Variants in CT45A1 observed in about 807,000 individuals in gnomAD.
The protein encoded by CT45A1 is cancer/testis antigen family 45 member A1.
upstream of CT45A1, chrX:135,713,334 C>A: frequency 1.2e-5 from 2 of 166,738 alleles, no homozygotes; most frequent in Non-Finnish European, 1.9e-5. Flanking sequence ...TGTTGCTGTG[C>A]AGTTGTTACT....
upstream of CT45A1, among the ~76,000 whole-genome samples, chrX:135,710,580 T>C (rs1556569293): frequency 2.7e-5 from 3 of 112,190 alleles, no homozygotes; most frequent in African/African-American, 6.5e-5. Flanking sequence ...GATTGTTCAC[T>C]CAGCAATGAC....
At chrX:135,714,631 A>G (rs2087963712) in intron 1 of CT45A1, among the ~76,000 whole-genome samples, 1 of 111,114 alleles carries the variant, frequency 9.0e-6, no homozygotes, top group Non-Finnish European at 1.9e-5. Context: ...CTCGCTGTAC[A>G]GTTAGTCTTT....
chrX:135,711,324 G>A (rs2353530), upstream of CT45A1, among the ~76,000 whole-genome samples: 2 of 112,299 alleles, frequency 1.8e-5, no homozygotes, highest in Non-Finnish European at 3.8e-5. Context: ...AATGTGTTCT[G>A]TAAAGGTTCT....
upstream of CT45A1, among the ~76,000 whole-genome samples, chrX:135,713,077 G>A (rs1556570188): frequency 1.2e-5 from 1 of 84,765 alleles, no homozygotes; most frequent in Admixed American, 1.4e-4. Flanking sequence ...TCTCCTCTAT[G>A]GCCAGGCTGG....
chrX:135,715,335 A>ACT (rs2087973111), intron 1 of CT45A1, among the ~76,000 whole-genome samples: 4 of 35,252 alleles, frequency 1.1e-4, no homozygotes, highest in Non-Finnish European at 1.4e-4. Context: ...CTTATATATT[A>ACT]TATATATATA....
At chrX:135,712,236 G>C (rs781942509), upstream of CT45A1, among the ~76,000 whole-genome samples, 1 of 76,417 alleles carries the variant, frequency 1.3e-5, no homozygotes, top group Non-Finnish European at 2.3e-5. Context: ...CAGGCTATGC[G>C]ATCAAAGCTC....
chrX:135,709,331 T>A (rs782513547), upstream of CT45A1, among the ~76,000 whole-genome samples: 12 of 112,819 alleles, frequency 1.1e-4, no homozygotes, highest in African/African-American at 3.9e-4. Flanking sequence ...TTTCACCATG[T>A]TGGCCAGGCT....
At chrX:135,708,644 A>G (rs2087919761), upstream of CT45A1, among the ~76,000 whole-genome samples, 1 of 111,107 alleles carries the variant, frequency 9.0e-6, no homozygotes. Flanking sequence ...TGATAAAACA[A>G]GCATCTATTA....
intron 1 of CT45A1, among the ~76,000 whole-genome samples, chrX:135,715,776 A>G (rs1311837882): frequency 5.6e-5 from 6 of 106,596 alleles, no homozygotes; most frequent in Non-Finnish European, 1.2e-4. Flanking sequence ...ACATAGGTAG[A>G]CACATGCCAT....
At chrX:135,712,744 G>T (rs1295301829), upstream of CT45A1, among the ~76,000 whole-genome samples, 12 of 108,434 alleles carry the variant, frequency 1.1e-4, no homozygotes, top group Non-Finnish European at 1.9e-4. Context: ...TGGCCAGGCT[G>T]GTCCCGAACT....
chrX:135,716,169 G>A (rs1234074968), intron 1 of CT45A1, among the ~76,000 whole-genome samples: 1 of 111,591 alleles, frequency 9.0e-6, no homozygotes, highest in Non-Finnish European at 1.9e-5. Context: ...ATAGAAGAAT[G>A]ATTTATAATC....
intron 1 of CT45A1, among the ~76,000 whole-genome samples, chrX:135,717,604 G>T (rs782457992): frequency 9.0e-6 from 1 of 111,500 alleles, no homozygotes; most frequent in Non-Finnish European, 1.9e-5. Flanking sequence ...TCCATTTACT[G>T]CAGTCTTGAA....
intron 1 of CT45A1, among the ~76,000 whole-genome samples, chrX:135,717,626 G>T (rs1339638670): frequency 8.9e-6 from 1 of 111,814 alleles, no homozygotes; most frequent in Non-Finnish European, 1.9e-5. Context: ...TTCTCTGAGT[G>T]ATGTTTTATA....
intron 1 of CT45A1, among the ~76,000 whole-genome samples, chrX:135,716,157 T>C (rs1276555940): frequency 9.0e-5 from 10 of 111,595 alleles, no homozygotes; most frequent in African/African-American, 3.3e-4. Context: ...GCATGTGTCT[T>C]TATAGAAGAA....
intron 1 of CT45A1, 130 bp downstream of exon 1, chrX:135,713,820 C>T (rs2087954961): frequency 4.4e-6 from 2 of 454,409 alleles, no homozygotes; most frequent in Non-Finnish European, 5.5e-6. Flanking sequence ...GTAGGGCTCC[C>T]TTGGGGAAGT....
chrX:135,712,937 T>TTC (rs2087944230), upstream of CT45A1, among the ~76,000 whole-genome samples: 1 of 69,550 alleles, frequency 1.4e-5, no homozygotes, highest in South Asian at 7.2e-4. Context: ...TCTTTTCTTT[T>TTC]TTTCTTTCTT....
chrX:135,708,463 G>C, the CT45A1 span, among the ~76,000 whole-genome samples: 1 of 110,351 alleles, frequency 9.1e-6, no homozygotes, highest in Non-Finnish European at 1.9e-5. Flanking sequence ...GTGTCTTTCT[G>C]GGGTGCTCTG....
upstream of CT45A1, among the ~76,000 whole-genome samples, chrX:135,712,522 T>C (rs2148031291): frequency 1.8e-5 from 2 of 108,549 alleles, no homozygotes; most frequent in East Asian, 5.7e-4. Context: ...GAATTTATAT[T>C]TATTTATTTA....
chrX:135,718,013 G>A (rs1461143372), intron 1 of CT45A1, among the ~76,000 whole-genome samples: 2 of 111,818 alleles, frequency 1.8e-5, no homozygotes, highest in East Asian at 2.8e-4. Flanking sequence ...ATACTGATAC[G>A]TCACTATGAA....
Sources: gnomAD v4.1 joint callset for allele counts (sites outside exome capture counted in the v4.1 genomes callset) on GRCh38, gnomAD v4.1.1 for gene constraint, MANE v1.5 for transcripts, NCBI Gene and HGNC (gene_info 2026-07-23, HGNC 2026-07-21) for gene names.